The following RNASEL variants were observed in gnomAD, a reference collection of about 807,000 sequenced individuals.
RNASEL encodes 2-5A-dependent ribonuclease.
Under a neutral mutation model 50.9 loss-of-function variants are expected in RNASEL, and 36 were observed. That is an observed-to-expected ratio of 0.71 (90% confidence interval 0.54 to 0.93). The LOEUF (loss-of-function observed/expected upper bound fraction) is 0.93, where lower values mean the gene tolerates loss of function less well. Ranked by LOEUF, RNASEL falls within the 40% of genes least tolerant of loss-of-function variation. The pLI, the probability that RNASEL is intolerant of heterozygous loss-of-function variation, is 0.00. For synonymous variants in RNASEL, 335 were observed against 335.6 expected (o/e 1.00, Z 0.02); for missense variants, 860 against 894.5 (o/e 0.96, Z 0.49).
chr1:182,581,276 C>T lies in RNASEL; in HGVS notation c.1854G>A (p.Leu618=), dbSNP rs572503904. The change falls in exon 5 of 7, where the codon CTG becomes CTA. Residue 618 remains leucine, a synonymous_variant. Coordinates refer to ENST00000367559, the MANE Select transcript of RNASEL (RefSeq NM_021133.4). ...TGGAATGTTCAGAAGGCCCAGGTTG[C>T]AGTAGTCTGAGGATCTCACTTTCAG... The part of the protein sequence containing the change: ...RKSESEILRL[L]QPGPSEHSKS... 2.5e-6 allele frequency: 4 copies of T among 1,614,106 alleles called. No individual in the cohort carries two copies. In the South Asian group the frequency reaches 3.3e-5, roughly 13 times the overall value.
At chr1:182,577,604 T>C (rs1661415250) in intron 5 of RNASEL, among the ~76,000 whole-genome samples, 1 of 152,066 alleles carries the variant, frequency 6.6e-6, no homozygotes, top group African/African-American at 2.4e-5. Flanking sequence ...AATACCAACA[T>C]CATTTTTCAC....
At position 182,585,600 on chromosome 1, in the gene RNASEL, G is replaced by C. The variant is rs780522762; in HGVS notation, c.1207C>G (p.Arg403Gly). 6.2e-7 allele frequency: 1 copy of C among 1,614,144 alleles called. No individual in the cohort carries two copies. The change falls in exon 2 of 7, where the codon CGG becomes GGG. Residue 403 changes from arginine (R) to glycine (G), a missense_variant. Coordinates refer to ENST00000367559, the MANE Select transcript of RNASEL (RefSeq NM_021133.4). ...TFCEGSPRAQREVSCLQSSRE... is the reference protein window; with the variant it reads ...TFCEGSPRAQGEVSCLQSSRE... ...CTGCTTTGCAGACAAGAGACTTCCC[G>C]CTGTGCACGTGGGCTGCCCTCACAG... is the stretch of plus-strand genomic sequence containing the variant.
At position 182,585,779 on chromosome 1, in the gene RNASEL, C is replaced by A. The variant is rs1661582520; in HGVS notation, c.1028G>T (p.Trp343Leu). 1.9e-6 allele frequency: 3 copies of A among 1,614,144 alleles called. No homozygotes were observed. Among genetic ancestry groups the A allele is most frequent in the East Asian group, 2.2e-5 (1 of 44,876 alleles). ...AEDWKPQSSH[W>L]GAALKDLHRI... is the part of the protein sequence containing the mutation. ...GTGGAGATCCTTCAGGGCTGCCCCC[C>A]AGTGTGAGCTCTGAGGCTTCCAGTC... is the stretch of plus-strand genomic sequence containing the variant. The change falls in exon 2 of 7, where the codon TGG becomes TTG. Residue 343 changes from tryptophan to leucine, a missense_variant. Physicochemically the swap from Trp to Leu is moderately conservative, Grantham distance 61. Transcript: ENST00000367559.
chr1:182,578,478 G>A (rs1471596304), intron 5 of RNASEL: 1 of 152,222 alleles, frequency 6.6e-6, no homozygotes, highest in Non-Finnish European at 1.5e-5. Flanking sequence ...AGTAACAGAT[G>A]TTGATGAGGA....
chr1:182,585,319 G>A lies in RNASEL; in HGVS notation c.1480+8C>T. The stretch of plus-strand genomic sequence containing the variant: ...TTTCTAAGAGAGAATTGGGGATTGG[G>A]GACTCACCTATTAAGATGTTTTGTG... On this transcript the variant is annotated splice_region_variant and intron_variant, in intron 2 of 6. Coordinates refer to ENST00000367559, the MANE Select transcript of RNASEL (RefSeq NM_021133.4). 1 of 1,613,570 alleles carries A rather than the reference G, an allele frequency of 6.2e-7. No homozygotes were observed. The highest frequency in any genetic ancestry group is 8.5e-7 in the Non-Finnish European group (1 of 1,179,706).
intron 1 of RNASEL, among the ~76,000 whole-genome samples, chr1:182,587,461 C>A (rs778114252): frequency 6.6e-6 from 1 of 151,820 alleles, no homozygotes; most frequent in Admixed American, 6.6e-5. Flanking sequence ...AGTTTATTTT[C>A]TTTCGATAGA....
Position 182,575,314 on chromosome 1 carries a change from A to T in RNASEL, c.*78T>A. On this transcript the variant is annotated 3_prime_UTR_variant, in exon 7 of 7. Transcript: ENST00000367559. The stretch of plus-strand genomic sequence containing the variant: ...TCCCTCACAAGCAACCTGGTGAGTT[A>T]AAAGGCCCAGAATGTTGTGATTTGC... 6.8e-7 allele frequency: 1 copy of T among 1,472,502 alleles called. No individual in the cohort carries two copies. The highest frequency in any genetic ancestry group is 9.5e-7 in the Non-Finnish European group (1 of 1,052,790). The allele number at this position is 1,472,502 out of a possible 1,614,324, so 91.2% of individuals were successfully genotyped here. A position where few individuals can be genotyped will look rare whatever the true frequency, so the allele number is the denominator to read the frequency against.
In RNASEL at chr1:182,586,393, G is replaced by C. The variant is rs1305498607; in HGVS notation, c.414C>G (p.Val138=). 2 of 1,613,974 alleles carry C rather than the reference G, an allele frequency of 1.2e-6. No individual in the cohort carries two copies. Among genetic ancestry groups the C allele is most frequent in the Non-Finnish European group, 1.7e-6 (2 of 1,180,042 alleles). The part of the protein sequence containing the change: ...AFMEAAVYGK[V]KALKFLYKRG... ...TCTTATAAAGGAATTTTAGGGCTTT[G>C]ACCTTACCATACACAGCGGCTTCCA... The change falls in exon 2 of 7, where the codon GTC becomes GTG. Residue 138 remains valine, a synonymous_variant. Transcript: ENST00000367559.
At chr1:182,579,685 C>A in intron 5 of RNASEL, 1 of 1,148,600 alleles carries the variant, frequency 8.7e-7, no homozygotes, top group Non-Finnish European at 1.1e-6. Flanking sequence ...GAAGTTAAAA[C>A]CTGAAGACTA....
chr1:182,582,353 G>A, intron 3 of RNASEL, 95 bp from the exon 4 acceptor site: 1 of 1,433,840 alleles, frequency 7.0e-7, no homozygotes, highest in Non-Finnish European at 9.8e-7. Context: ...CAAGATGATG[G>A]GAGGAATCTC....
chr1:182,582,063 T>C lies in RNASEL; in HGVS notation c.1762A>G (p.Thr588Ala). 6.2e-7 allele frequency: 1 copy of C among 1,614,058 alleles called. No individual in the cohort carries two copies. The highest frequency in any genetic ancestry group is 8.5e-7 in the Non-Finnish European group (1 of 1,180,002). Reference sequence around the variant, plus strand: ...CAAAGTTTTACTTACCTCTCCCAAGTCCAAAAGAAGGGATGACCCAGCAGG... The same window carrying C: ...CAAAGTTTTACTTACCTCTCCCAAGCCCAAAAGAAGGGATGACCCAGCAGG... ...SDLLGHPFFW[T>A]WESRYRTLRN... is the part of the protein sequence containing the mutation. The change falls in exon 4 of 7, where the codon ACT (threonine) becomes GCT (alanine). Residue 588 changes from threonine (T) to alanine (A), a missense_variant. Transcript: ENST00000367559.
chr1:182,580,952 G>C (rs547412633), intron 5 of RNASEL, among the ~76,000 whole-genome samples: 35 of 152,166 alleles, frequency 2.3e-4, no homozygotes, highest in Non-Finnish European at 3.7e-4. Flanking sequence ...AAGGCTCATG[G>C]GCTGGGATAA....
At chr1:182,587,522 A>G (rs1431686035) in intron 1 of RNASEL, among the ~76,000 whole-genome samples, 2 of 151,944 alleles carry the variant, frequency 1.3e-5, no homozygotes, top group Non-Finnish European at 2.9e-5. Context: ...ATGACTATTC[A>G]AAAGATATGA....
At chr1:182,584,237 T>C (rs1006446649) in intron 2 of RNASEL, 71 bp from the exon 3 acceptor site, 3 of 975,990 alleles carry the variant, frequency 3.1e-6, no homozygotes, top group African/African-American at 3.2e-5. Flanking sequence ...TTGATTTATA[T>C]AAATATGTAA....
chr1:182,585,730 G>A lies in RNASEL; in HGVS notation c.1077C>T (p.Gly359=), dbSNP rs2102370575. Residue 359 remains glycine (G), a synonymous_variant, in exon 2 of 7, where the codon GGC becomes GGT. Transcript: ENST00000367559. ...TTTCATCAATAAAGAACTTGAGTTT[G>A]CCAATCATAGGGCGGTATATTCTGT... is the stretch of plus-strand genomic sequence containing the variant. The part of the protein sequence containing the change: ...DLHRIYRPMI[G]KLKFFIDEKY... The A allele has an allele frequency of 6.2e-7, 1 of 1,614,088 alleles. No homozygotes were observed. The highest frequency in any genetic ancestry group is 8.5e-7 in the Non-Finnish European group (1 of 1,180,032).
At chr1:182,579,892 G>T in intron 5 of RNASEL, 2 of 484,102 alleles carry the variant, frequency 4.1e-6, no homozygotes, top group Non-Finnish European at 7.9e-6. Context: ...TCATGTAGTG[G>T]TGTGGCTTAA....
chr1:182,584,095 T>C lies in RNASEL; in HGVS notation c.1552A>G (p.Lys518Glu), dbSNP rs1156908227. Reference protein sequence around the residue: ...IKWAGDPQEVKRDLEDLGRLV... With the variant: ...IKWAGDPQEVERDLEDLGRLV... ...GTAGAATTTACCTCTAGATCTCTCT[T>C]GACTTCCTGTGGATCTCCAGCCCAC... Residue 518 changes from lysine (K) to glutamate (E), a missense_variant, in exon 3 of 7, where the codon AAG (lysine) becomes GAG (glutamate). Coordinates refer to ENST00000367559, the MANE Select transcript of RNASEL (RefSeq NM_021133.4). The C allele has an allele frequency of 6.2e-7, 1 of 1,613,260 alleles. No individual in the cohort carries two copies. The highest frequency in any genetic ancestry group is 1.3e-5 in the African/African-American group (1 of 75,024).
At chr1:182,582,888 G>A (rs1661522603) in intron 3 of RNASEL, among the ~76,000 whole-genome samples, 1 of 152,180 alleles carries the variant, frequency 6.6e-6, no homozygotes, top group African/African-American at 2.4e-5. Flanking sequence ...GACCTACCCT[G>A]ACAGGGTCAG....
rs907786540 is a variant in RNASEL, at chr1:182,586,978, C to T, written c.-164-8G>A. 8 of 748,508 alleles carry T rather than the reference C, an allele frequency of 1.1e-5. No individual in the cohort carries two copies. The highest frequency in any genetic ancestry group is 1.8e-5 in the Non-Finnish European group (8 of 452,612). 46.4% of individuals were successfully genotyped at this position (748,508 alleles called of 1,614,324 possible). A position where few individuals can be genotyped will look rare whatever the true frequency, so the allele number is the denominator to read the frequency against. ...AGTCTTCTGACATTCCACCTGGCAA[C>T]GAAGAGAGGTGCTTTGTAATTTTAC... On this transcript the variant is annotated splice_region_variant and splice_polypyrimidine_tract_variant and intron_variant, in intron 1 of 6. Transcript: ENST00000367559.
Sources: allele counts gnomAD v4.1 joint callset (sites outside exome capture counted in the v4.1 genomes callset), GRCh38; gene constraint gnomAD v4.1.1; transcripts MANE v1.5; gene names NCBI Gene and HGNC (gene_info 2026-07-23, HGNC 2026-07-21).